The following TACC2 variants were observed in gnomAD, a reference collection of about 807,000 sequenced individuals.
TACC2 encodes the protein transforming acidic coiled-coil containing protein 2, also known as transforming acidic coiled-coil-containing protein 2.
Under a neutral mutation model 227.3 loss-of-function variants are expected in TACC2, and 137 were observed. That is an observed-to-expected ratio of 0.60 (90% CI 0.52 to 0.69). TACC2 has a LOEUF of 0.69. Ranked by LOEUF, TACC2 falls within the 30% of genes least tolerant of loss-of-function variation. The pLI is 0.00. For missense variants in TACC2, 3,470 were observed against 3,694.4 expected, an observed-to-expected ratio of 0.94 and a Z score of 1.57; for synonymous variants, 1,523 against 1,487.5, an observed-to-expected ratio of 1.02 and a Z score of -0.55.
Position 122,226,377 on chromosome 10 carries a change from T to C in TACC2, c.7620T>C (p.Asp2540=). The stretch of plus-strand genomic sequence containing the variant: ...TTTGATCCCTGCAGCAGGACGACGA[T>C]GCCCCGAAGAAGCAGGCCTTGTACC... ...KIGSSLPQDD[D]APKKQALYLM... Residue 2540 remains aspartate, a synonymous_variant, in exon 13 of 23, where the codon GAT becomes GAC. Transcript: ENST00000369005. 1 of 1,613,898 alleles carries C rather than the reference T, an allele frequency of 6.2e-7. No individual in the cohort carries two copies. Among genetic ancestry groups the C allele is most frequent in the Non-Finnish European group, 8.5e-7 (1 of 1,179,844 alleles).
At position 122,085,380 on chromosome 10, in the gene TACC2, G is replaced by C; in HGVS notation, c.2880G>C (p.Arg960Ser). ...CATGCGGTGATGGTCAGTCCTCGAG[G>C]GTCTCGCCTCCAGCAGCAGATGTCT... is the stretch of plus-strand genomic sequence containing the variant. ...EGACGDGQSS[R>S]VSPPAADVLK... Residue 960 changes from arginine (R) to serine (S), a missense_variant, in exon 4 of 23, where the codon AGG (arginine) becomes AGC (serine). Transcript: ENST00000369005. The C allele has an allele frequency of 6.2e-7, 1 of 1,613,978 alleles. No individual in the cohort carries two copies. The highest frequency in any genetic ancestry group is 8.5e-7 in the Non-Finnish European group (1 of 1,180,044).
At chr10:122,063,831 T>C (rs1328863862) in intron 3 of TACC2, among the ~76,000 whole-genome samples, 2 of 146,392 alleles carry the variant, frequency 1.4e-5, no homozygotes, top group Non-Finnish European at 3.0e-5. Flanking sequence ...TATTATATAA[T>C]ACACACACAC....
intron 7 of TACC2, among the ~76,000 whole-genome samples, chr10:122,173,418 C>T (rs979342211): frequency 1.3e-5 from 2 of 152,226 alleles, no homozygotes; most frequent in East Asian, 1.9e-4. Context: ...TTTGGCTTGG[C>T]CCACGAATGC....
At chr10:122,079,939 C>A (rs2079256646) in intron 3 of TACC2, among the ~76,000 whole-genome samples, 1 of 152,192 alleles carries the variant, frequency 6.6e-6, no homozygotes, top group African/African-American at 2.4e-5. Context: ...AAACTGAAAC[C>A]TCAAAAATGT....
intron 6 of TACC2, among the ~76,000 whole-genome samples, chr10:122,134,194 C>T (rs1447076918): frequency 8.3e-5 from 12 of 145,352 alleles, no homozygotes; most frequent in African/African-American, 1.0e-4. Flanking sequence ...TTTCCTGAGA[C>T]GGAGTCTCAC....
At position 122,141,248 on chromosome 10, in the gene TACC2, C is replaced by T. The variant is rs957866210; in HGVS notation, c.5700-2324C>T. ...GTGTCTGTGGGGGCCCATGTGTTAG[C>T]GCTTGGGCTTGGATGGTGAGTCACT... On this transcript the variant is annotated intron_variant, in intron 6 of 22. Transcript: ENST00000369005. This position sits in a 1 kb window ranked among gnomAD's most constrained non-coding sequence, Gnocchi z 4.3. Among the ~76,000 whole-genome samples the T allele has an allele frequency of 3.9e-5, 6 of 152,044 alleles. No individual in the cohort carries two copies. In the East Asian group the frequency reaches 7.7e-4, roughly 20 times the overall value.
chr10:122,217,629 G>A (rs1228996226), intron 11 of TACC2, among the ~76,000 whole-genome samples: 10 of 151,750 alleles, frequency 6.6e-5, no homozygotes, highest in Admixed American at 2.0e-4. Flanking sequence ...TAGTAGAAAC[G>A]GGGTTTCACC....
In TACC2 at chr10:122,086,917, GAGA is replaced by G. The variant is rs1399558971; in HGVS notation, c.4423_4425del (p.Lys1475del). The G allele has an allele frequency of 6.2e-7, 1 of 1,613,972 alleles. No individual in the cohort carries two copies. The highest frequency in any genetic ancestry group is 1.1e-5 in the South Asian group (1 of 91,082). ...TGCACCTCCTGCTCGACTCCAGGTG[GAGA>G]AGAAGCAACAGTTGGCTGGAGAGGC... is the stretch of plus-strand genomic sequence containing the variant. On this transcript the variant is annotated inframe_deletion, in exon 4 of 23. Transcript: ENST00000369005.
At chr10:122,097,793 C>T (rs1402302600) in intron 5 of TACC2, among the ~76,000 whole-genome samples, 1 of 152,150 alleles carries the variant, frequency 6.6e-6, no homozygotes, top group East Asian at 1.9e-4. Context: ...TGAGACACGG[C>T]ACACCCGACA....
intron 1 of TACC2, among the ~76,000 whole-genome samples, chr10:121,990,932 C>T (rs952456450): frequency 1.3e-5 from 2 of 152,080 alleles, no homozygotes; most frequent in Non-Finnish European, 2.9e-5. Context: ...GGATTACAGG[C>T]ACCTGCCACC....
At chr10:122,113,220 A>G (rs1326178572) in intron 5 of TACC2, 2 of 151,904 alleles carry the variant, frequency 1.3e-5, no homozygotes, top group Non-Finnish European at 2.9e-5. Context: ...GCCATCCCCT[A>G]TCTCCCCGGG....
At chr10:122,190,185 A>C (rs977007857) in intron 7 of TACC2, among the ~76,000 whole-genome samples, 1 of 152,218 alleles carries the variant, frequency 6.6e-6, no homozygotes, top group Non-Finnish European at 1.5e-5. Context: ...CTGATCTTAA[A>C]CTATTTTGTT....
intron 13 of TACC2, among the ~76,000 whole-genome samples, chr10:122,227,085 C>T (rs2095644335): frequency 6.6e-6 from 1 of 152,200 alleles, no homozygotes; most frequent in Non-Finnish European, 1.5e-5. Context: ...ATCCGTCTTC[C>T]AGAGCGTCCC....
At chr10:122,110,869 T>A (rs1307110954) in intron 5 of TACC2, among the ~76,000 whole-genome samples, 1 of 152,196 alleles carries the variant, frequency 6.6e-6, no homozygotes, top group Non-Finnish European at 1.5e-5. Context: ...CTAACATGGG[T>A]CTCACTGAGG....
intron 2 of TACC2, chr10:122,032,996 C>CTAA: frequency 1.4e-6 from 1 of 712,554 alleles, no homozygotes; most frequent in Non-Finnish European, 2.0e-6. Flanking sequence ...ACAACAACAA[C>CTAA]AACAAAAACA....
intron 5 of TACC2, among the ~76,000 whole-genome samples, chr10:122,109,473 C>T (rs1405733169): frequency 1.3e-5 from 2 of 152,134 alleles, no homozygotes; most frequent in African/African-American, 4.8e-5. Context: ...CTTATTGGCA[C>T]TGAGTTTCAG....
At chr10:122,201,289 T>TCTACAGTCA in intron 8 of TACC2, among the ~76,000 whole-genome samples, 1 of 85,168 alleles carries the variant, frequency 1.2e-5, no homozygotes, top group Admixed American at 1.5e-4. Flanking sequence ...TGCGTTCACA[T>TCTACAGTCA]GGGGAAAACG....
chr10:122,177,199 C>A (rs959759107), intron 7 of TACC2, among the ~76,000 whole-genome samples: 7 of 152,148 alleles, frequency 4.6e-5, no homozygotes, highest in Admixed American at 2.6e-4. Flanking sequence ...ATTCTGGCCT[C>A]CTACAGTTGC....
chr10:122,050,034 C>T lies in TACC2; in HGVS notation c.34-404C>T, dbSNP rs1245415915. On this transcript the variant is annotated intron_variant, in intron 2 of 22. Transcript: ENST00000369005. This position sits in a 1 kb window ranked among gnomAD's most constrained non-coding sequence, Gnocchi z 4.6. ...GCTGAATTCTGGTATGTGAAGCCATCGGTGGTGGCGGGAGGAAAATGTGTT... is the reference window on the plus strand; with the variant it reads ...GCTGAATTCTGGTATGTGAAGCCATTGGTGGTGGCGGGAGGAAAATGTGTT... Among the ~76,000 whole-genome samples the T allele has an allele frequency of 2.6e-5, 4 of 152,096 alleles. No homozygotes were observed. Among genetic ancestry groups the T allele is most frequent in the African/African-American group, 7.2e-5 (3 of 41,422 alleles).
Sources: allele counts gnomAD v4.1 joint callset (sites outside exome capture counted in the v4.1 genomes callset), GRCh38; gene constraint gnomAD v4.1.1; non-coding constraint Gnocchi (gnomAD v3.1); transcripts MANE v1.5; gene names NCBI Gene and HGNC (gene_info 2026-07-23, HGNC 2026-07-21).